BTN3A3: variants seen among roughly 807,000 people sequenced by gnomAD.
The protein encoded by BTN3A3 is butyrophilin 3.
In BTN3A3, 39 loss-of-function variants were observed where a neutral mutation model predicts 43.2. The observed-to-expected ratio is 0.90, with a 90% CI of 0.70 to 1.18. The LOEUF is 1.18. Among genes scored for constraint, BTN3A3 ranks in the 50% most tolerant of loss-of-function variants. BTN3A3 has a pLI of 0.00. For synonymous variants in BTN3A3, 255 were observed against 272.7 expected (o/e 0.93, Z 0.64); for missense variants, 631 against 722.8 (o/e 0.87, Z 1.46).
intron 5 of BTN3A3, 30 bp downstream of exon 5, chr6:26,446,015 T>A (rs763951444): frequency 4.3e-6 from 7 of 1,610,916 alleles, no homozygotes; most frequent in Non-Finnish European, 5.9e-6. Flanking sequence ...TCAGCTTTAC[T>A]GAGCTGAGCT....
At position 26,444,275 on chromosome 6, in the gene BTN3A3, A is replaced by C. The variant is rs770807540; in HGVS notation, c.404A>C (p.Glu135Ala). Reference sequence around the variant, plus strand: ...TATTTCCAAGATGGTGACTTCTACGAAAAAGCCCTGGTGGAGCTGAAGGTT... The same window carrying C: ...TATTTCCAAGATGGTGACTTCTACGCAAAAGCCCTGGTGGAGCTGAAGGTT... ...LCYFQDGDFYEKALVELKVAA... is the reference protein window; with the variant it reads ...LCYFQDGDFYAKALVELKVAA... Residue 135 changes from glutamate (E) to alanine (A), a missense_variant, in exon 4 of 11, where the codon GAA (glutamate) becomes GCA (alanine). Around this residue, in one of 2 missense-constraint regions of BTN3A3, gnomAD observed 551 missense variants for 584.0 expected, o/e 0.94. Coordinates refer to ENST00000244519, the MANE Select transcript of BTN3A3 (RefSeq NM_006994.5). 5.6e-6 allele frequency: 9 copies of C among 1,612,058 alleles called. No homozygotes were observed. In the East Asian group the frequency reaches 1.8e-4, roughly 32 times the overall value.
chr6:26,443,845 T>C (rs1762704086), intron 3 of BTN3A3, 112 bp from the exon 4 acceptor site: 9 of 1,518,504 alleles, frequency 5.9e-6, no homozygotes, highest in Non-Finnish European at 7.2e-6. Flanking sequence ...CTGTTAGGAT[T>C]GTGTTCCCCT....
intron 4 of BTN3A3, chr6:26,444,789 C>G (rs1762731668): frequency 2.0e-5 from 5 of 244,298 alleles, no homozygotes. Flanking sequence ...AGGAAGAACA[C>G]ACATCATGGG....
At chr6:26,444,496 T>C in intron 4 of BTN3A3, 192 bp downstream of exon 4, 1 of 919,558 alleles carries the variant, frequency 1.1e-6, no homozygotes, top group Non-Finnish European at 1.6e-6. Context: ...CTGCTGTACC[T>C]TACATGCCGA....
At chr6:26,444,670 G>C (rs1282544490) in intron 4 of BTN3A3, 2 of 388,200 alleles carry the variant, frequency 5.2e-6, no homozygotes. Context: ...GTTACCGTGG[G>C]TCCTGGGAGG....
At chr6:26,444,478 A>G in intron 4 of BTN3A3, 174 bp downstream of exon 4, 1 of 1,055,292 alleles carries the variant, frequency 9.5e-7, no homozygotes, top group Non-Finnish European at 1.4e-6. Context: ...TTTCTTTAGA[A>G]AGAATTCCTG....
rs558400396 is a variant in BTN3A3, at chr6:26,451,957, T to G, written c.1301T>G (p.Met434Arg). 7 of 1,614,012 alleles carry G rather than the reference T, an allele frequency of 4.3e-6. No homozygotes were observed. Among genetic ancestry groups the G allele is most frequent in the Non-Finnish European group, 5.9e-6 (7 of 1,180,000 alleles). ...KMTPENGYWT[M>R]GLTDGNKYRA... ...ACACCGGAGAACGGATACTGGACTA[T>G]GGGCCTGACTGATGGGAATAAGTAT... Residue 434 changes from methionine to arginine, a missense_variant, in exon 11 of 11, where the codon ATG (methionine) becomes AGG (arginine). Physicochemically the swap from Met to Arg is moderately conservative, Grantham distance 91. Transcript: ENST00000244519.
rs1762971879 is a variant in BTN3A3 at position 26,453,217 on chromosome 6, T to C, written c.*806T>C. On this transcript the variant is annotated 3_prime_UTR_variant, in exon 11 of 11. Coordinates refer to ENST00000244519, the MANE Select transcript of BTN3A3 (RefSeq NM_006994.5). ...ATTACAGGGATGTTTTTAATCCCACTATGGACTCAGTCTCCTGGAAATAGG... is the reference window on the plus strand; with the variant it reads ...ATTACAGGGATGTTTTTAATCCCACCATGGACTCAGTCTCCTGGAAATAGG... 6.6e-6 allele frequency: 1 copy of C among 152,200 alleles called. No individual in the cohort carries two copies. Among genetic ancestry groups the C allele is most frequent in the South Asian group, 2.1e-4 (1 of 4,834 alleles). 9.4% of individuals were successfully genotyped at this position (152,200 alleles called of 1,614,324 possible). A position where few individuals can be genotyped will look rare whatever the true frequency, so the allele number is the denominator to read the frequency against.
chr6:26,448,110 T>C (rs2113840010), intron 5 of BTN3A3, 138 bp from the exon 6 acceptor site: 1 of 981,316 alleles, frequency 1.0e-6, no homozygotes, highest in Non-Finnish European at 1.5e-6. Flanking sequence ...TCTGAGACTT[T>C]AGGGACAGAA....
Position 26,451,957 on chromosome 6 carries a change from T to C in BTN3A3, c.1301T>C (p.Met434Thr), listed in dbSNP as rs558400396. ...ACACCGGAGAACGGATACTGGACTA[T>C]GGGCCTGACTGATGGGAATAAGTAT... ...KMTPENGYWT[M>T]GLTDGNKYRA... The change falls in exon 11 of 11, where the codon ATG (methionine) becomes ACG (threonine). Residue 434 changes from methionine (M) to threonine (T), a missense_variant. By Grantham distance (81) the Met-to-Thr change is moderately conservative. Coordinates refer to ENST00000244519, the MANE Select transcript of BTN3A3 (RefSeq NM_006994.5). 1.6e-5 allele frequency: 26 copies of C among 1,614,130 alleles called. No homozygotes were observed. The South Asian group carries it at 2.4e-4, about 15-fold the overall frequency.
Position 26,445,532 on chromosome 6 carries a change from G to T in BTN3A3, c.434-172G>T, listed in dbSNP as rs553168284. 3.6e-5 allele frequency: 28 copies of T among 768,814 alleles called. No homozygotes were observed. The African/African-American group carries it at 4.6e-4, about 13-fold the overall frequency. 47.6% of individuals were successfully genotyped at this position (768,814 alleles called of 1,614,324 possible). ...GAATAGCCCCACATTACTGACCCTG[G>T]GATACTGCACTAGCCCATTTAGTTT... On this transcript the variant is annotated intron_variant, in intron 4 of 10. Transcript: ENST00000244519.
At chr6:26,446,045 G>A (rs1581654133) in intron 5 of BTN3A3, 60 bp downstream of exon 5, 1 of 1,598,762 alleles carries the variant, frequency 6.3e-7, no homozygotes, top group Non-Finnish European at 8.5e-7. Flanking sequence ...GATGAAGGGG[G>A]ATGTGTGAGT....
At chr6:26,450,948 A>G (rs780007291) in intron 10 of BTN3A3, among the ~76,000 whole-genome samples, 3 of 152,164 alleles carry the variant, frequency 2.0e-5, no homozygotes, top group Admixed American at 1.3e-4. Flanking sequence ...TCTCCTTCCA[A>G]TCTTCTATCA....
Position 26,451,793 on chromosome 6 carries a change from A to C in BTN3A3, c.1137A>C (p.Glu379Asp), listed in dbSNP as rs1054011195. Residue 379 changes from glutamate to aspartate, a missense_variant, in exon 11 of 11, where the codon GAA becomes GAC. This residue lies in a region of BTN3A3 where 551 missense variants were observed against 584.0 expected (regional missense o/e 0.94). Transcript: ENST00000244519. The part of the protein sequence containing the change: ...RDLPDNPERF[E>D]WRYCVLGCEN... ...TGCCAGACAACCCTGAGAGATTTGA[A>C]TGGCGTTACTGTGTCCTTGGCTGTG... The C allele has an allele frequency of 6.2e-7, 1 of 1,614,050 alleles. No individual in the cohort carries two copies. Among genetic ancestry groups the C allele is most frequent in the Non-Finnish European group, 8.5e-7 (1 of 1,179,892 alleles).
chr6:26,449,109 A>C (rs1339670705), intron 8 of BTN3A3: 1 of 294,012 alleles, frequency 3.4e-6, no homozygotes, highest in African/African-American at 2.2e-5. Flanking sequence ...GTTGTTTTCC[A>C]TAATCTAGAG....
rs1320142064 is a variant in BTN3A3 at position 26,452,148 on chromosome 6, G to A, written c.1492G>A (p.Val498Ile). 1 of 1,614,124 alleles carries A rather than the reference G, an allele frequency of 6.2e-7. No individual in the cohort carries two copies. Among genetic ancestry groups the A allele is most frequent in the Non-Finnish European group, 8.5e-7 (1 of 1,180,018 alleles). ...CTCTTTCTCTGAGCCTCTATATCCT[G>A]TTTTCAGAATTTTGACCTTGGAGCC... Reference protein sequence around the residue: ...HASFSEPLYPVFRILTLEPTA... With the variant: ...HASFSEPLYPIFRILTLEPTA... Residue 498 changes from valine (V) to isoleucine (I), a missense_variant, in exon 11 of 11, where the codon GTT becomes ATT. Coordinates refer to ENST00000244519, the MANE Select transcript of BTN3A3 (RefSeq NM_006994.5).
At chr6:26,444,729 C>T (rs1053354313) in intron 4 of BTN3A3, 3 of 295,322 alleles carry the variant, frequency 1.0e-5, no homozygotes, top group African/African-American at 6.5e-5. Context: ...CAGTGACTCC[C>T]AGAAACATTT....
Position 26,448,621 on chromosome 6 carries a change from G to C in BTN3A3, c.921G>C (p.Lys307Asn), listed in dbSNP as rs747624360. ...ATEQEISLRE[K>N]LQEELKWRKI... The stretch of plus-strand genomic sequence containing the variant: ...CTTTTTTTGCTTATTTTCCAGAGAA[G>C]CTCCAGGAGGAACTCAGTAAGTTCC... Residue 307 changes from lysine to asparagine, a missense_variant, in exon 7 of 11, where the codon AAG becomes AAC. Coordinates refer to ENST00000244519, the MANE Select transcript of BTN3A3 (RefSeq NM_006994.5). The C allele has an allele frequency of 6.2e-7, 1 of 1,613,672 alleles. No homozygotes were observed. Among genetic ancestry groups the C allele is most frequent in the South Asian group, 1.1e-5 (1 of 91,044 alleles).
rs1176333552 is a variant in BTN3A3 at position 26,444,571 on chromosome 6, A to T, written c.433+267A>T. On this transcript the variant is annotated intron_variant, in intron 4 of 10. Coordinates refer to ENST00000244519, the MANE Select transcript of BTN3A3 (RefSeq NM_006994.5). ...GGAAATGAAGGACGACGGATAGGAA[A>T]CATTAGAAATCATCTCTTTAGTGAC... 8.3e-6 allele frequency: 5 copies of T among 603,504 alleles called. No individual in the cohort carries two copies. In the East Asian group the frequency reaches 1.5e-4, roughly 18 times the overall value. The allele number at this position is 603,504 out of a possible 1,614,324, so 37.4% of individuals were successfully genotyped here.
Sources: gnomAD v4.1 joint callset for allele counts (sites outside exome capture counted in the v4.1 genomes callset) on GRCh38, gnomAD v4.1.1 for gene constraint, gnomAD v4.1.1 regional missense constraint, MANE v1.5 for transcripts, NCBI Gene and HGNC (gene_info 2026-07-23, HGNC 2026-07-21) for gene names.